The following SH3RF2 variants were observed in gnomAD, a reference collection of about 807,000 sequenced individuals.
SH3RF2 encodes the protein E3 ubiquitin-protein ligase SH3RF2.
In SH3RF2, 43 loss-of-function variants were observed where a neutral mutation model predicts 59.0. The observed-to-expected ratio is 0.73, with a 90% CI of 0.57 to 0.94. SH3RF2 has a LOEUF of 0.94. Ranked by LOEUF, SH3RF2 falls within the 40% of genes least tolerant of loss-of-function variation. The pLI, the probability that SH3RF2 is intolerant of heterozygous loss-of-function variation, is 0.00. For synonymous variants in SH3RF2, 391 were observed against 391.5 expected, an observed-to-expected ratio of 1.00 and a Z score of 0.01; for missense variants, 930 against 940.1, an observed-to-expected ratio of 0.99 and a Z score of 0.14.
Position 146,049,176 on chromosome 5 carries a change from T to C in SH3RF2, c.1253T>C (p.Leu418Pro). The C allele has an allele frequency of 6.2e-7, 1 of 1,614,046 alleles. No individual in the cohort carries two copies. The highest frequency in any genetic ancestry group is 8.5e-7 in the Non-Finnish European group (1 of 1,180,018). Residue 418 changes from leucine (L) to proline (P), a missense_variant, in exon 7 of 10, where the codon CTC (leucine) becomes CCC (proline). Coordinates refer to ENST00000359120, the MANE Select transcript of SH3RF2 (RefSeq NM_152550.4). ...RVLGKCQDGW[L>P]RGVSLVTGRV... ...CTGGGGAAGTGCCAGGACGGCTGGC[T>C]CAGGGGCGTCTCCTTGGTCACCGGG... is the stretch of plus-strand genomic sequence containing the variant.
In SH3RF2 at chr5:145,937,871, A is replaced by C. The variant is rs1757655551; in HGVS notation, c.-58A>C. The C allele has an allele frequency of 1.8e-5, 28 of 1,558,170 alleles. No individual in the cohort carries two copies. The South Asian group carries it at 3.1e-4, about 17-fold the overall frequency. On this transcript the variant is annotated 5_prime_UTR_variant, in exon 2 of 10. Transcript: ENST00000359120. Reference sequence around the variant, plus strand: ...AGACCAGCTCTGCCCCCGTGGCTCAACTGACCCTACCATGTGGACGCTGCT... The same window carrying C: ...AGACCAGCTCTGCCCCCGTGGCTCACCTGACCCTACCATGTGGACGCTGCT...
At chr5:146,022,836 CA>C (rs1304138485) in intron 5 of SH3RF2, among the ~76,000 whole-genome samples, 1 of 151,150 alleles carries the variant, frequency 6.6e-6, no homozygotes, top group African/African-American at 2.4e-5. Context: ...CTTGCCGGTG[CA>C]CTGCAGCCTG....
At chr5:145,997,129 C>G in intron 2 of SH3RF2, 1 of 649,854 alleles carries the variant, frequency 1.5e-6, no homozygotes, top group South Asian at 1.8e-5. Flanking sequence ...GTTATTTCAT[C>G]ACCCAGCAAT....
At position 145,938,373 on chromosome 5, in the gene SH3RF2, A is replaced by G; in HGVS notation, c.378+67A>G. The G allele has an allele frequency of 2.0e-6, 3 of 1,470,790 alleles. No homozygotes were observed. The South Asian group carries it at 4.3e-5, about 21-fold the overall frequency. 91.1% of individuals were successfully genotyped at this position (1,470,790 alleles called of 1,614,324 possible). On this transcript the variant is annotated intron_variant, in intron 2 of 9. Transcript: ENST00000359120. Reference sequence around the variant, plus strand: ...GTTGGATTTGTGTATACAAGGAGCTAGAGATTATCTTCTTTTAGTTACATT... The same window carrying G: ...GTTGGATTTGTGTATACAAGGAGCTGGAGATTATCTTCTTTTAGTTACATT...
Position 146,000,129 on chromosome 5 carries a change from T to C in SH3RF2, c.450T>C (p.Asp150=). The part of the protein sequence containing the change: ...NPGDLRFNKG[D]IILLRRQLDE... ...GTGACCTAAGGTTTAATAAGGGAGA[T>C]ATCATCCTTCTCCGGAGACAGCTTG... is the stretch of plus-strand genomic sequence containing the variant. Residue 150 remains aspartate, a synonymous_variant, in exon 3 of 10, where the codon GAT becomes GAC. Coordinates refer to ENST00000359120, the MANE Select transcript of SH3RF2 (RefSeq NM_152550.4). 6.2e-7 allele frequency: 1 copy of C among 1,613,876 alleles called. No homozygotes were observed. Among genetic ancestry groups the C allele is most frequent in the Non-Finnish European group, 8.5e-7 (1 of 1,179,888 alleles).
intron 2 of SH3RF2, among the ~76,000 whole-genome samples, chr5:145,961,172 TC>T (rs1181202806): frequency 7.3e-6 from 1 of 136,936 alleles, no homozygotes; most frequent in Middle Eastern, 3.5e-3. Flanking sequence ...TCCTGCATCC[TC>T]CTTTTTTTTT....
At chr5:146,026,966 C>T (rs1761550335) in intron 5 of SH3RF2, among the ~76,000 whole-genome samples, 1 of 152,170 alleles carries the variant, frequency 6.6e-6, no homozygotes, top group African/African-American at 2.4e-5. Flanking sequence ...TTATTATTAT[C>T]ATTGGGTCAA....
At chr5:145,990,146 T>C (rs1759878700) in intron 2 of SH3RF2, among the ~76,000 whole-genome samples, 1 of 151,920 alleles carries the variant, frequency 6.6e-6, no homozygotes, top group South Asian at 2.1e-4. Flanking sequence ...AATCTAGGAG[T>C]TCAGATTTTA....
intron 8 of SH3RF2, 89 bp downstream of exon 8, chr5:146,056,302 G>A (rs567574404): frequency 2.5e-6 from 4 of 1,579,482 alleles, no homozygotes; most frequent in Non-Finnish European, 3.4e-6. Flanking sequence ...TGCAAAAACA[G>A]GATCTTGGCT....
In SH3RF2 at chr5:146,038,627, T is replaced by G. The variant is rs533594396; in HGVS notation, c.1060-9145T>G. On this transcript the variant is annotated intron_variant, in intron 5 of 9. Coordinates refer to ENST00000359120, the MANE Select transcript of SH3RF2 (RefSeq NM_152550.4). ...ATAACAAGACATGCAAGACCTTTAT[T>G]GAGAAAATTTATAAAACATCATTGA... Among the ~76,000 whole-genome samples the G allele has an allele frequency of 1.4e-4, 22 of 152,346 alleles. No homozygotes were observed. In the South Asian group the frequency reaches 4.6e-3, roughly 32 times the overall value.
At chr5:145,969,591 C>T (rs982701387) in intron 2 of SH3RF2, among the ~76,000 whole-genome samples, 5 of 152,034 alleles carry the variant, frequency 3.3e-5, no homozygotes, top group Middle Eastern at 3.4e-3. Context: ...GAGATCCAGC[C>T]GTGCGTGGTG....
intron 2 of SH3RF2, among the ~76,000 whole-genome samples, chr5:145,949,936 G>A (rs1443219125): frequency 6.6e-6 from 1 of 152,062 alleles, no homozygotes; most frequent in Non-Finnish European, 1.5e-5. Flanking sequence ...AGATATTCCT[G>A]GGATTCCTAC....
At chr5:146,054,000 G>A (rs537162602) in intron 7 of SH3RF2, among the ~76,000 whole-genome samples, 8 of 152,268 alleles carry the variant, frequency 5.3e-5, no homozygotes, top group African/African-American at 1.4e-4. Context: ...GGACCTGCAC[G>A]GTGGAGCAAA....
intron 2 of SH3RF2, among the ~76,000 whole-genome samples, chr5:145,946,769 T>A (rs925382227): frequency 2.0e-5 from 3 of 152,126 alleles, no homozygotes; most frequent in Non-Finnish European, 4.4e-5. Context: ...AAACACTTCA[T>A]CTTAACTGAC....
intron 2 of SH3RF2, among the ~76,000 whole-genome samples, chr5:145,974,434 T>A (rs538567525): frequency 5.7e-4 from 87 of 151,994 alleles, no homozygotes; most frequent in Non-Finnish European, 7.9e-4. Flanking sequence ...CCTTAGAGTC[T>A]GTGTTCCAAA....
intron 5 of SH3RF2, among the ~76,000 whole-genome samples, chr5:146,019,707 C>T (rs551954074): frequency 2.0e-5 from 3 of 152,188 alleles, no homozygotes; most frequent in East Asian, 3.9e-4. Context: ...GGTCATTTCA[C>T]GATATTGTTT....
chr5:145,986,875 G>C (rs1047211343), intron 2 of SH3RF2, among the ~76,000 whole-genome samples: 2 of 152,174 alleles, frequency 1.3e-5, no homozygotes, highest in Non-Finnish European at 2.9e-5. Flanking sequence ...TCTCTGCCCA[G>C]GTGATGTAAA....
downstream of SH3RF2, among the ~76,000 whole-genome samples, chr5:146,065,129 C>T (rs1385123766): frequency 6.6e-6 from 1 of 152,196 alleles, no homozygotes; most frequent in African/African-American, 2.4e-5. Context: ...GTTGTTCTAG[C>T]TATCTCAATC....
At chr5:145,940,673 T>C (rs1757782462) in intron 2 of SH3RF2, among the ~76,000 whole-genome samples, 1 of 152,230 alleles carries the variant, frequency 6.6e-6, no homozygotes. Flanking sequence ...AGAAAACATC[T>C]GCTATGTAAA....
Sources: allele counts gnomAD v4.1 joint callset (sites outside exome capture counted in the v4.1 genomes callset), GRCh38; gene constraint gnomAD v4.1.1; transcripts MANE v1.5; gene names NCBI Gene and HGNC (gene_info 2026-07-23, HGNC 2026-07-21).